The following KALRN variants were observed in gnomAD, a reference collection of about 807,000 sequenced individuals.
KALRN encodes the protein kalirin RhoGEF kinase.
Under a neutral mutation model 353.7 loss-of-function variants are expected in KALRN, and 70 were observed. That is an observed-to-expected ratio of 0.20 (90% confidence interval 0.16 to 0.24). KALRN has a LOEUF of 0.24. Among genes scored for constraint, KALRN ranks in the 10% least tolerant of loss-of-function variants. KALRN has a pLI of 1.00. For missense variants in KALRN, 2,791 were observed against 3,756.7 expected (o/e 0.74, Z 6.72); for synonymous variants, 1,391 against 1,434.8 (o/e 0.97, Z 0.69).
intron 11 of KALRN, 42 bp downstream of exon 11, chr3:124,385,078 G>T: frequency 1.3e-6 from 2 of 1,515,108 alleles, no homozygotes; most frequent in South Asian, 2.7e-5. Flanking sequence ...GTCCTGCCAG[G>T]GTCAGGTCGG....
intron 11 of KALRN, among the ~76,000 whole-genome samples, chr3:124,390,068 G>C (rs888575059): frequency 1.1e-4 from 17 of 152,202 alleles, no homozygotes; most frequent in African/African-American, 3.6e-4. Context: ...CTGGGGCCAA[G>C]AGGGCAGCCA....
At chr3:124,374,045 A>G (rs2086239218) in intron 10 of KALRN, among the ~76,000 whole-genome samples, 2 of 152,262 alleles carry the variant, frequency 1.3e-5, no homozygotes, top group South Asian at 2.1e-4. Flanking sequence ...CCAAATGTAT[A>G]TATTGAAACC....
intron 1 of KALRN, among the ~76,000 whole-genome samples, chr3:124,124,459 T>C (rs2064395864): frequency 6.6e-6 from 1 of 152,238 alleles, no homozygotes; most frequent in Non-Finnish European, 1.5e-5. Flanking sequence ...GCTGTGAACA[T>C]TGTTGAAATG....
intron 39 of KALRN, 90 bp from the exon 40 acceptor site, chr3:124,657,358 G>A: frequency 1.2e-6 from 1 of 838,574 alleles, no homozygotes. Context: ...CGCAGAGAGT[G>A]TGGGCTTGCA....
intron 6 of KALRN, among the ~76,000 whole-genome samples, chr3:124,312,312 C>T (rs76566180): frequency 0.048 from 7,249 of 152,188 alleles, 769 homozygotes; most frequent in East Asian, 0.47. Flanking sequence ...AGGCACCCGC[C>T]ACCATGCCCG....
intron 28 of KALRN, among the ~76,000 whole-genome samples, chr3:124,486,073 G>C (rs551899315): frequency 6.6e-6 from 1 of 152,070 alleles, no homozygotes; most frequent in African/African-American, 2.4e-5. Context: ...TAGGTATGGC[G>C]TGAAAGTAGA....
At chr3:124,265,849 G>A (rs965559585) in intron 4 of KALRN, among the ~76,000 whole-genome samples, 1 of 152,100 alleles carries the variant, frequency 6.6e-6, no homozygotes, top group East Asian at 1.9e-4. Flanking sequence ...GGTGATTCAC[G>A]CCTGTACTGT....
chr3:124,518,331 C>T, intron 33 of KALRN: 1 of 1,299,024 alleles, frequency 7.7e-7, no homozygotes, highest in Admixed American at 1.7e-5. Context: ...TCTATAAGGG[C>T]TACGGGATCT....
At chr3:124,504,624 C>T in intron 33 of KALRN, 1 of 340,666 alleles carries the variant, frequency 2.9e-6, no homozygotes, top group Admixed American at 3.8e-5. Context: ...ATCACAGACT[C>T]ATTGATGCCA....
chr3:124,185,828 T>C (rs889099609), intron 1 of KALRN, among the ~76,000 whole-genome samples: 1 of 152,156 alleles, frequency 6.6e-6, no homozygotes, highest in Non-Finnish European at 1.5e-5. Flanking sequence ...GAGAGGGTGG[T>C]AGTGCCCCTC....
At chr3:124,584,669 G>C in intron 34 of KALRN, 1 of 1,422,758 alleles carries the variant, frequency 7.0e-7, no homozygotes, top group Non-Finnish European at 9.1e-7. Flanking sequence ...GTGGCTCCCA[G>C]TAAGTCAGAG....
At chr3:124,337,327 C>T (rs959005108) in intron 9 of KALRN, among the ~76,000 whole-genome samples, 7 of 90,640 alleles carry the variant, frequency 7.7e-5, no homozygotes, top group African/African-American at 3.2e-4. Flanking sequence ...TTTGAGATAC[C>T]TAGTTTATTG....
chr3:124,385,114 T>G (rs2088019645), intron 11 of KALRN, 78 bp downstream of exon 11: 1 of 1,316,872 alleles, frequency 7.6e-7, no homozygotes, highest in Non-Finnish European at 1.0e-6. Flanking sequence ...GCCCTGAAGG[T>G]CTGACCAGGG....
At chr3:124,258,028 C>T (rs188916488) in intron 3 of KALRN, among the ~76,000 whole-genome samples, 239 of 152,224 alleles carry the variant, frequency 1.6e-3, no homozygotes, top group Admixed American at 3.3e-3. Flanking sequence ...CCACTGTAAA[C>T]GGGTCTGCTC....
intron 14 of KALRN, among the ~76,000 whole-genome samples, chr3:124,416,041 C>T (rs1355477567): frequency 2.6e-5 from 4 of 152,202 alleles, no homozygotes; most frequent in African/African-American, 4.8e-5. Context: ...GGCCTGCCCT[C>T]ATGGTACTTA....
At chr3:124,057,878 T>C (rs112325630) in intron 1 of KALRN, among the ~76,000 whole-genome samples, 5 of 152,270 alleles carry the variant, frequency 3.3e-5, no homozygotes, top group African/African-American at 1.2e-4. Flanking sequence ...ATTAAGAAAA[T>C]GAGACTGGGC....
At position 124,434,458 on chromosome 3, in the gene KALRN, T is replaced by G; in HGVS notation, c.2981T>G (p.Met994Arg). 6.2e-7 allele frequency: 1 copy of G among 1,614,252 alleles called. No individual in the cohort carries two copies. Among genetic ancestry groups the G allele is most frequent in the Admixed American group, 1.7e-5 (1 of 60,030 alleles). Residue 994 changes from methionine to arginine, a missense_variant, in exon 17 of 60, where the codon ATG becomes AGG. By Grantham distance (91) the Met-to-Arg change is moderately conservative. Coordinates refer to ENST00000682506, the MANE Select transcript of KALRN (RefSeq NM_001388419.1). ...EKVALHWQQL[M>R]LKMEDRLKLV... ...GTGGCCCTCCACTGGCAGCAGCTCA[T>G]GCTGAAGATGGAAGACCGGCTAAAA...
At chr3:124,332,106 C>T (rs1303821844) in intron 8 of KALRN, among the ~76,000 whole-genome samples, 4 of 152,130 alleles carry the variant, frequency 2.6e-5, no homozygotes, top group Non-Finnish European at 4.4e-5. Flanking sequence ...CACCCCACTC[C>T]CCTGGCAGTC....
chr3:124,703,008 T>A (rs1481561920), intron 57 of KALRN, among the ~76,000 whole-genome samples: 1 of 152,188 alleles, frequency 6.6e-6, no homozygotes, highest in Non-Finnish European at 1.5e-5. Context: ...TGTAGGTAGA[T>A]CTTACAGGTT....
Sources: allele counts gnomAD v4.1 joint callset (sites outside exome capture counted in the v4.1 genomes callset), GRCh38; gene constraint gnomAD v4.1.1; transcripts MANE v1.5; gene names NCBI Gene and HGNC (gene_info 2026-07-23, HGNC 2026-07-21).